Variants in PLEKHG7 observed in about 807,000 individuals in gnomAD.
PLEKHG7 encodes pleckstrin homology domain-containing family G member 7.
A neutral mutation model predicts 85.2 loss-of-function variants in PLEKHG7; 77 were observed. The ratio of observed to expected loss-of-function variants is 0.90; its 90% CI spans 0.75 to 1.09. PLEKHG7 has a LOEUF of 1.09. Ranked by LOEUF, PLEKHG7 falls within the 50% of genes least tolerant of loss-of-function variation. PLEKHG7 has a pLI of 0.00. For synonymous variants in PLEKHG7, 301 were observed against 302.4 expected (o/e 1.00, Z 0.05); for missense variants, 777 against 804.3 (o/e 0.97, Z 0.41).
At chr12:92,763,108 A>G (rs192950321) in intron 14 of PLEKHG7, among the ~76,000 whole-genome samples, 4 of 152,320 alleles carry the variant, frequency 2.6e-5, no homozygotes, top group African/African-American at 9.6e-5. Flanking sequence ...ATGGCAGCCC[A>G]TGTTGATAAT....
intron 3 of PLEKHG7, among the ~76,000 whole-genome samples, chr12:92,718,621 C>T (rs1311160828): frequency 6.6e-6 from 1 of 152,172 alleles, no homozygotes; most frequent in Non-Finnish European, 1.5e-5. Context: ...TGTATTTTCT[C>T]CTCCAACTAT....
At chr12:92,767,778 G>A (rs576450343) in intron 15 of PLEKHG7, among the ~76,000 whole-genome samples, 2 of 152,258 alleles carry the variant, frequency 1.3e-5, no homozygotes, top group African/African-American at 4.8e-5. Flanking sequence ...AATAGTGACA[G>A]CAGACAAGCA....
At position 92,761,736 on chromosome 12, in the gene PLEKHG7, C is replaced by T; in HGVS notation, c.1637-16C>T. 1 of 1,552,400 alleles carries T rather than the reference C, an allele frequency of 6.4e-7. No individual in the cohort carries two copies. The highest frequency in any genetic ancestry group is 8.6e-7 in the Non-Finnish European group (1 of 1,158,174). On this transcript the variant is annotated splice_polypyrimidine_tract_variant and intron_variant, in intron 13 of 16. Coordinates refer to ENST00000344636, the MANE Select transcript of PLEKHG7 (RefSeq NM_001377329.1). Reference sequence around the variant, plus strand: ...CAGTTTCAGGTCCCCATTTCAGCTTCTCTTTTTTTCCTCAGAAAGCACGAG... The same window carrying T: ...CAGTTTCAGGTCCCCATTTCAGCTTTTCTTTTTTTCCTCAGAAAGCACGAG...
rs77234501 is a variant in PLEKHG7, at chr12:92,759,703, C to T, written c.1637-2049C>T. 2.1e-3 allele frequency among the ~76,000 whole-genome samples: 326 copies of T among 152,280 alleles called. 1 individual carries two copies. Among genetic ancestry groups the T allele is most frequent in the Non-Finnish European group, 2.4e-3 (165 of 68,032 alleles). On this transcript the variant is annotated intron_variant, in intron 13 of 16. Transcript: ENST00000344636. ...AGAAAGCCCTTATCAGGAACTGAAT[C>T]GACCAGCACCTTGATCTACTTCCCA... is the stretch of plus-strand genomic sequence containing the variant.
At chr12:92,711,086 A>G (rs1871359137) in intron 3 of PLEKHG7, among the ~76,000 whole-genome samples, 1 of 152,242 alleles carries the variant, frequency 6.6e-6, no homozygotes, top group South Asian at 2.1e-4. Flanking sequence ...AAATCAGTAT[A>G]TAATCGCACA....
At chr12:92,756,974 AG>A (rs1872853218) in intron 13 of PLEKHG7, among the ~76,000 whole-genome samples, 1 of 152,080 alleles carries the variant, frequency 6.6e-6, no homozygotes, top group African/African-American at 2.4e-5. Context: ...GTGGGCTTGG[AG>A]GGGCAGGAAG....
At chr12:92,713,156 A>G (rs1394611633) in intron 3 of PLEKHG7, among the ~76,000 whole-genome samples, 1 of 152,200 alleles carries the variant, frequency 6.6e-6, no homozygotes, top group Admixed American at 6.5e-5. Context: ...ATAAATTGTC[A>G]GTAATGTAGT....
Position 92,756,281 on chromosome 12 carries a change from C to T in PLEKHG7, c.1543-17C>T, listed in dbSNP as rs1343373204. 6.4e-7 allele frequency: 1 copy of T among 1,558,646 alleles called. No homozygotes were observed. The highest frequency in any genetic ancestry group is 8.8e-7 in the Non-Finnish European group (1 of 1,131,366). On this transcript the variant is annotated splice_polypyrimidine_tract_variant and intron_variant, in intron 12 of 16. Transcript: ENST00000344636. ...TCACTAACAACATCTCTTTTATTTT[C>T]TCGCTTGTTTTACAAGTGTTTGAAA...
At chr12:92,723,833 A>G (rs938716517) in intron 3 of PLEKHG7, among the ~76,000 whole-genome samples, 1 of 152,152 alleles carries the variant, frequency 6.6e-6, no homozygotes, top group Non-Finnish European at 1.5e-5. Flanking sequence ...CTTCCACCCC[A>G]ACAGTAGTTA....
At chr12:92,744,422 A>C (rs1476422889) in intron 9 of PLEKHG7, among the ~76,000 whole-genome samples, 2 of 152,178 alleles carry the variant, frequency 1.3e-5, no homozygotes, top group East Asian at 3.9e-4. Context: ...AGATGGTGGC[A>C]TGTAGTTCAG....
chr12:92,754,265 G>T lies in PLEKHG7; in HGVS notation c.1426+1G>T. The T allele has an allele frequency of 6.2e-7, 1 of 1,613,182 alleles. No homozygotes were observed. ...AAGGAAAAGGTGGAAAAGTCCATCC[G>T]TAAGTCCCTGAGATAAGTGAGCTTA... is the stretch of plus-strand genomic sequence containing the variant. On this transcript the variant is annotated splice_donor_variant, in intron 11 of 16. Transcript: ENST00000344636. LOFTEE classifies it high-confidence loss of function.
chr12:92,727,039 G>C (rs11612737), intron 3 of PLEKHG7, among the ~76,000 whole-genome samples: 34,012 of 152,034 alleles, frequency 0.22, 5,102 homozygotes, highest in Non-Finnish European at 0.33. Context: ...ACATGTCTAC[G>C]TGAGCTCTTC....
In PLEKHG7 at chr12:92,737,515, T is replaced by C. The variant is rs1872193723; in HGVS notation, c.933T>C (p.Leu311=). ...ATTTTTTGGACCATTTATTAGTTCT[T>C]AAGATGGTAATGCCAGGCTTAATTT... ...CTYFLDHLLV[L]KMIFMNTLRY... The change falls in exon 7 of 17, where the codon CTT becomes CTC. Residue 311 remains leucine, a synonymous_variant. Coordinates refer to ENST00000344636, the MANE Select transcript of PLEKHG7 (RefSeq NM_001377329.1). 3 of 1,607,970 alleles carry C rather than the reference T, an allele frequency of 1.9e-6. No homozygotes were observed. The Admixed American group carries it at 5.1e-5, about 28-fold the overall frequency.
intron 13 of PLEKHG7, among the ~76,000 whole-genome samples, chr12:92,758,095 T>C (rs1343670212): frequency 6.6e-6 from 1 of 152,250 alleles, no homozygotes; most frequent in South Asian, 2.1e-4. Context: ...AAAGTAATTA[T>C]ATTTTATGAC....
chr12:92,707,537 T>C, intron 2 of PLEKHG7, 113 bp from the exon 3 acceptor site: 1 of 1,504,644 alleles, frequency 6.6e-7, no homozygotes. Context: ...CACCAAAATG[T>C]AAAACATGTT....
intron 13 of PLEKHG7, among the ~76,000 whole-genome samples, chr12:92,758,999 TTC>T (rs1872912337): frequency 6.6e-6 from 1 of 152,236 alleles, no homozygotes; most frequent in Non-Finnish European, 1.5e-5. Context: ...AATTCTCTTA[TTC>T]TCTTTTATAA....
intron 15 of PLEKHG7, among the ~76,000 whole-genome samples, chr12:92,767,829 T>C (rs558741301): frequency 6.0e-4 from 91 of 152,304 alleles, no homozygotes; most frequent in African/African-American, 2.1e-3. Context: ...TTGCTCACTT[T>C]TTCTCTTTCC....
chr12:92,717,859 ACCTGTAGTGTT>A (rs1412593217), intron 3 of PLEKHG7, among the ~76,000 whole-genome samples: 3 of 152,348 alleles, frequency 2.0e-5, no homozygotes. Context: ...AGCAATGCAC[ACCTGTAGTGTT>A]CCTCTCACAG....
chr12:92,749,066 A>G (rs559086759), intron 10 of PLEKHG7, among the ~76,000 whole-genome samples: 10 of 152,270 alleles, frequency 6.6e-5, no homozygotes, highest in Non-Finnish European at 1.3e-4. Flanking sequence ...GTCTGAACCC[A>G]ATGTTGAATC....
Sources: gnomAD v4.1 joint callset for allele counts (sites outside exome capture counted in the v4.1 genomes callset) on GRCh38, gnomAD v4.1.1 for gene constraint, MANE v1.5 for transcripts, NCBI Gene and HGNC (gene_info 2026-07-23, HGNC 2026-07-21) for gene names.